Variants in KIAA0513 observed in about 807,000 individuals in gnomAD.
The protein encoded by KIAA0513 is uncharacterized protein KIAA0513.
KIAA0513 carries 39 observed loss-of-function variants against 56.5 expected under a neutral mutation model. That is an observed-to-expected ratio of 0.69 (90% CI 0.53 to 0.90). KIAA0513 has a LOEUF of 0.90. Ranked by LOEUF, KIAA0513 falls within the 40% of genes least tolerant of loss-of-function variation. The probability of loss-of-function intolerance (pLI) is 0.00; values close to 1 mark genes in which losing one functional copy is unlikely to be tolerated. For synonymous variants in KIAA0513, 268 were observed against 215.6 expected (o/e 1.24, Z -2.13); for missense variants, 591 against 535.2 (o/e 1.10, Z -1.03).
At position 85,031,190 on chromosome 16, in the gene KIAA0513, C is replaced by T. The variant is rs780091210; in HGVS notation, c.-173+3332C>T. ...AGGACAAAAGTAATCGTTAGAAAGA[C>T]TTGGCCTTGGCTGGGTGTGGTGGCT... On this transcript the variant is annotated intron_variant, in intron 1 of 12. Transcript: ENST00000683363. 5.1e-4 allele frequency among the ~76,000 whole-genome samples: 77 copies of T among 152,184 alleles called. 1 individual carries two copies. Among genetic ancestry groups the T allele is most frequent in the Non-Finnish European group, 1.9e-4 (13 of 68,038 alleles).
intron 1 of KIAA0513, among the ~76,000 whole-genome samples, chr16:85,048,546 A>G (rs567750315): frequency 2.0e-5 from 3 of 152,014 alleles, no homozygotes; most frequent in East Asian, 3.9e-4. Context: ...TTCTCAAAAA[A>G]CAAAGCTTTT....
intron 1 of KIAA0513, among the ~76,000 whole-genome samples, chr16:85,057,764 T>G (rs997786128): frequency 4.1e-5 from 6 of 144,892 alleles, no homozygotes; most frequent in Non-Finnish European, 7.4e-5. Context: ...CTGCTTTTTG[T>G]TTTTGTTTTT....
chr16:85,078,416 G>C lies in KIAA0513; in HGVS notation c.784G>C (p.Glu262Gln), dbSNP rs778755784. The change falls in exon 7 of 13, where the codon GAA becomes CAA. Residue 262 changes from glutamate (E) to glutamine (Q), a missense_variant and splice_region_variant. Physicochemically the swap from Glu to Gln is conservative, Grantham distance 29. Transcript: ENST00000683363. ...ATCATTGTGCCTTCTCTCCCTCAGG[G>C]AAGACGAGAACAAACCCCAGGAGAA... ...LKGPLARRNE[E>Q]DENKPQEKRP... 6 of 1,613,900 alleles carry C rather than the reference G, an allele frequency of 3.7e-6. No homozygotes were observed. The highest frequency in any genetic ancestry group is 3.3e-5 in the Admixed American group (2 of 60,000).
chr16:85,040,025 G>T (rs1051192896), intron 1 of KIAA0513, among the ~76,000 whole-genome samples: 1 of 151,442 alleles, frequency 6.6e-6, no homozygotes, highest in Non-Finnish European at 1.5e-5. Context: ...GTAGAGACAG[G>T]GTTTCACCAT....
chr16:85,086,562 C>G, intron 10 of KIAA0513, 82 bp from the exon 11 acceptor site: 1 of 1,374,486 alleles, frequency 7.3e-7, no homozygotes, highest in South Asian at 1.2e-5. Context: ...GCCGCCAGCA[C>G]CTGCGGGTCA....
At chr16:85,033,064 G>A (rs182421683) in intron 1 of KIAA0513, among the ~76,000 whole-genome samples, 20 of 152,332 alleles carry the variant, frequency 1.3e-4, no homozygotes, top group Admixed American at 5.9e-4. Flanking sequence ...ATGCAGTGAT[G>A]TTTTAAAGGG....
intron 1 of KIAA0513, among the ~76,000 whole-genome samples, chr16:85,045,166 C>T (rs2143886762): frequency 6.6e-6 from 1 of 152,204 alleles, no homozygotes; most frequent in African/African-American, 2.4e-5. Context: ...ATCTGTCCCT[C>T]ATCATGTCAA....
At chr16:85,056,851 C>T (rs141486584) in intron 1 of KIAA0513, among the ~76,000 whole-genome samples, 1 of 152,260 alleles carries the variant, frequency 6.6e-6, no homozygotes, top group East Asian at 1.9e-4. Flanking sequence ...TAGGTGCATG[C>T]CTCCATGCTT....
chr16:85,049,997 G>C (rs1440520445), intron 1 of KIAA0513, among the ~76,000 whole-genome samples: 1 of 152,326 alleles, frequency 6.6e-6, no homozygotes, highest in East Asian at 1.9e-4. Context: ...CCCGGAGTCA[G>C]CCGCTGTGTC....
At chr16:85,049,234 C>T (rs1256620399) in intron 1 of KIAA0513, among the ~76,000 whole-genome samples, 2 of 152,238 alleles carry the variant, frequency 1.3e-5, no homozygotes, top group Non-Finnish European at 2.9e-5. Context: ...CTGTGGCCCG[C>T]CAGGCCATCC....
At chr16:85,044,277 G>C (rs1372649238) in intron 1 of KIAA0513, among the ~76,000 whole-genome samples, 1 of 152,144 alleles carries the variant, frequency 6.6e-6, no homozygotes, top group Admixed American at 6.5e-5. Flanking sequence ...TGCCCGCTGT[G>C]TGTGCAGGGA....
At chr16:85,063,859 G>A (rs1457635350) in intron 1 of KIAA0513, among the ~76,000 whole-genome samples, 1 of 152,038 alleles carries the variant, frequency 6.6e-6, no homozygotes, top group Non-Finnish European at 1.5e-5. Context: ...GGGGTGGCAA[G>A]CAGGAGCACT....
rs571996880 is a variant in KIAA0513, at chr16:85,052,290, A to G, written c.-172-14610A>G. Reference sequence around the variant, plus strand: ...AGCTGAGATCACGCCACTGCACTCCAGCCTGGTGACAGAACGAGCAAGGCT... The same window carrying G: ...AGCTGAGATCACGCCACTGCACTCCGGCCTGGTGACAGAACGAGCAAGGCT... On this transcript the variant is annotated intron_variant, in intron 1 of 12. Coordinates refer to ENST00000683363, the MANE Select transcript of KIAA0513 (RefSeq NM_001388359.1). Among the ~76,000 whole-genome samples the G allele has an allele frequency of 2.6e-5, 4 of 152,136 alleles. No individual in the cohort carries two copies. The South Asian group carries it at 8.3e-4, about 32-fold the overall frequency.
intron 10 of KIAA0513, 64 bp downstream of exon 10, chr16:85,082,657 G>C: frequency 5.9e-6 from 9 of 1,531,928 alleles, no homozygotes; most frequent in East Asian, 4.5e-5. Context: ...GCCACTGCAG[G>C]GTGGGGGCTG....
chr16:85,078,381 C>G (rs2291968), intron 6 of KIAA0513, 34 bp from the exon 7 acceptor site: 1 of 1,609,642 alleles, frequency 6.2e-7, no homozygotes, highest in African/African-American at 1.3e-5. Context: ...TGGTGTGAGT[C>G]GCGTGTGTCA....
In KIAA0513 at chr16:85,081,110, C is replaced by G. The variant is rs1479739208; in HGVS notation, c.903-205C>G. On this transcript the variant is annotated intron_variant, in intron 8 of 12. Transcript: ENST00000683363. This position sits in a 1 kb window ranked among gnomAD's most constrained non-coding sequence, Gnocchi z 4.4. ...CTTGCGCCATCTCTCCTAAGAGATA[C>G]GCAGCCGCTGGGAGCCCCAGGGAAA... Among the ~76,000 whole-genome samples the G allele has an allele frequency of 6.6e-6, 1 of 152,216 alleles. No homozygotes were observed. Among genetic ancestry groups the G allele is most frequent in the African/African-American group, 2.4e-5 (1 of 41,460 alleles).
Position 85,075,924 on chromosome 16 carries a change from G to A in KIAA0513, c.574+10G>A, listed in dbSNP as rs1597635822. The A allele has an allele frequency of 6.2e-7, 1 of 1,605,702 alleles. No homozygotes were observed. On this transcript the variant is annotated intron_variant, in intron 5 of 12. Coordinates refer to ENST00000683363, the MANE Select transcript of KIAA0513 (RefSeq NM_001388359.1). ...ACCTACTACCACATCGGTAAGACATGGGTGGGCTGATGTGGGGCTCACCTG... is the reference window on the plus strand; with the variant it reads ...ACCTACTACCACATCGGTAAGACATAGGTGGGCTGATGTGGGGCTCACCTG...
chr16:85,033,529 G>A (rs937700883), intron 1 of KIAA0513, among the ~76,000 whole-genome samples: 1 of 152,202 alleles, frequency 6.6e-6, no homozygotes, highest in Non-Finnish European at 1.5e-5. Flanking sequence ...GGCGTATGTA[G>A]AAGCCTCCTC....
In KIAA0513 at chr16:85,071,767, T is replaced by TA. The variant is rs771989996; in HGVS notation, c.330-16_330-15insA. The TA allele has an allele frequency of 1.1e-4, 126 of 1,117,784 alleles. 1 individual carries two copies. The East Asian group carries it at 3.6e-3, about 32-fold the overall frequency. The allele number at this position is 1,117,784 out of a possible 1,614,324, so 69.2% of individuals were successfully genotyped here. Reference sequence around the variant, plus strand: ...GTTTTTTTTTTTTTTCCTCTGCTCTTTTTTTTTTTTTTTAGGGAGGACTTG... The same window carrying TA: ...GTTTTTTTTTTTTTTCCTCTGCTCTTATTTTTTTTTTTTTAGGGAGGACTTG... On this transcript the variant is annotated splice_polypyrimidine_tract_variant and intron_variant, in intron 2 of 12. Transcript: ENST00000683363.
Sources: gnomAD v4.1 joint callset for allele counts (sites outside exome capture counted in the v4.1 genomes callset) on GRCh38, gnomAD v4.1.1 for gene constraint, Gnocchi (gnomAD v3.1) non-coding constraint, MANE v1.5 for transcripts, NCBI Gene and HGNC (gene_info 2026-07-23, HGNC 2026-07-21) for gene names.